ARB2A: variants seen among roughly 807,000 people sequenced by gnomAD.
ARB2A encodes cotranscriptional regulator ARB2A.
chr5:93,976,904 G>A, the ARB2A span, among the ~76,000 whole-genome samples: 135 of 151,870 alleles, frequency 8.9e-4, no homozygotes, highest in African/African-American at 2.5e-3. Flanking sequence ...TGACTTCAGC[G>A]AACTCTCAGG....
At chr5:93,855,019 C>T in the ARB2A span, among the ~76,000 whole-genome samples, 1 of 152,092 alleles carries the variant, frequency 6.6e-6, no homozygotes, top group Non-Finnish European at 1.5e-5. Context: ...TCCTTGTTAA[C>T]TTTCTGTCTT....
At chr5:93,850,374 G>A in the ARB2A span, among the ~76,000 whole-genome samples, 1 of 152,156 alleles carries the variant, frequency 6.6e-6, no homozygotes, top group African/African-American at 2.4e-5. Context: ...CCTTAGCTGT[G>A]AGAAGTCATA....
At chr5:93,752,914 C>T in the ARB2A span, among the ~76,000 whole-genome samples, 1 of 151,984 alleles carries the variant, frequency 6.6e-6, no homozygotes, top group South Asian at 2.1e-4. Context: ...GAACTGATAA[C>T]TAAAAGCTAC....
the ARB2A span, among the ~76,000 whole-genome samples, chr5:93,956,800 C>A: frequency 6.6e-6 from 1 of 152,018 alleles, no homozygotes; most frequent in Non-Finnish European, 1.5e-5. Context: ...CAGAGCAACC[C>A]TTGAAGAAAA....
the ARB2A span, among the ~76,000 whole-genome samples, chr5:93,773,057 C>T: frequency 6.6e-6 from 1 of 152,182 alleles, no homozygotes; most frequent in African/African-American, 2.4e-5. Context: ...TTGCTATTTA[C>T]CCCAATTCTG....
At chr5:93,984,086 T>G in the ARB2A span, among the ~76,000 whole-genome samples, 1 of 152,132 alleles carries the variant, frequency 6.6e-6, no homozygotes, top group Admixed American at 6.5e-5. Flanking sequence ...AATGCAAAAT[T>G]TCTTGATTCT....
At chr5:94,029,030 T>C in the ARB2A span, among the ~76,000 whole-genome samples, 4 of 152,134 alleles carry the variant, frequency 2.6e-5, no homozygotes, top group Non-Finnish European at 4.4e-5. Context: ...TTGTTTGAGA[T>C]AGAGTCTTGG....
the ARB2A span, among the ~76,000 whole-genome samples, chr5:93,774,051 C>T: frequency 2.3e-4 from 35 of 152,330 alleles, 1 homozygote; most frequent in Middle Eastern, 3.4e-3. Context: ...ACTGGAATTA[C>T]AGGTATGAGC....
chr5:93,740,864 T>C, the ARB2A span: 4 of 1,613,956 alleles, frequency 2.5e-6, no homozygotes, highest in East Asian at 8.9e-5. Context: ...GGTGTGGGCT[T>C]AGGGCACCGC....
At chr5:93,740,760 T>C in the ARB2A span, 1 of 1,612,180 alleles carries the variant, frequency 6.2e-7, no homozygotes, top group Non-Finnish European at 8.5e-7. Flanking sequence ...CATCATTGGT[T>C]GGTCGACTGC....
At chr5:93,745,269 G>A in the ARB2A span, among the ~76,000 whole-genome samples, 31 of 152,114 alleles carry the variant, frequency 2.0e-4, 1 homozygote, top group African/African-American at 7.2e-4. Context: ...CCACAGTGAC[G>A]TCCCTCCCCT....
the ARB2A span, among the ~76,000 whole-genome samples, chr5:93,761,175 G>C: frequency 1.3e-5 from 2 of 152,124 alleles, no homozygotes; most frequent in East Asian, 3.9e-4. Flanking sequence ...TGAGATACTG[G>C]GTTCAGCTCA....
chr5:94,088,499 A>G, the ARB2A span, among the ~76,000 whole-genome samples: 1 of 152,096 alleles, frequency 6.6e-6, no homozygotes, highest in Non-Finnish European at 1.5e-5. Flanking sequence ...CTGGCAACAT[A>G]GCAAGACGGT....
the ARB2A span, among the ~76,000 whole-genome samples, chr5:93,868,590 T>C: frequency 1.3e-5 from 2 of 152,292 alleles, no homozygotes; most frequent in South Asian, 4.1e-4. Flanking sequence ...AAAGATTCCC[T>C]ATAGTAAACA....
chr5:93,955,800 G>A, the ARB2A span, among the ~76,000 whole-genome samples: 3 of 152,260 alleles, frequency 2.0e-5, no homozygotes, highest in African/African-American at 7.2e-5. Context: ...GGGTCATGGC[G>A]GGCCAGGACC....
the ARB2A span, among the ~76,000 whole-genome samples, chr5:94,031,753 C>T: frequency 6.6e-6 from 1 of 152,232 alleles, no homozygotes; most frequent in Non-Finnish European, 1.5e-5. Flanking sequence ...TAAGTGTCTG[C>T]TCTCCAAATG....
chr5:93,806,065 G>A, the ARB2A span: 18 of 449,924 alleles, frequency 4.0e-5, no homozygotes, highest in Non-Finnish European at 5.3e-5. Context: ...AGTAAATTAT[G>A]CAAGATGATG....
chr5:93,919,217 AC>A, the ARB2A span, among the ~76,000 whole-genome samples: 1 of 152,264 alleles, frequency 6.6e-6, no homozygotes, highest in East Asian at 1.9e-4. Context: ...GAGGACTTGA[AC>A]TTAGGGTCTA....
chr5:93,623,725 G>A, the ARB2A span, among the ~76,000 whole-genome samples: 14 of 152,064 alleles, frequency 9.2e-5, no homozygotes, highest in Admixed American at 2.0e-4. Context: ...TCTGTCAGAC[G>A]AAGGGAAATT....
Sources: gnomAD v4.1 joint callset for allele counts (sites outside exome capture counted in the v4.1 genomes callset) on GRCh38, gnomAD v4.1.1 for gene constraint, MANE v1.5 for transcripts, NCBI Gene and HGNC (gene_info 2026-07-23, HGNC 2026-07-21) for gene names.